WWOX: variants seen among roughly 807,000 people sequenced by gnomAD.
WWOX encodes the protein WW domain-containing oxidoreductase.
In WWOX, 69 loss-of-function variants were observed where a neutral mutation model predicts 46.2. The observed-to-expected ratio is 1.49, with a 90% CI of 1.23 to 1.82. The LOEUF (loss-of-function observed/expected upper bound fraction) is 1.82, where lower values mean the gene tolerates loss of function less well. Ranked by LOEUF, WWOX falls within the 40% of genes most tolerant of loss-of-function variation. The pLI, the probability that WWOX is intolerant of heterozygous loss-of-function variation, is 0.00. For missense variants in WWOX, 919 were observed against 542.6 expected, an observed-to-expected ratio of 1.69 and a Z score of -6.89; for synonymous variants, 359 against 202.6, an observed-to-expected ratio of 1.77 and a Z score of -6.56.
At chr16:78,494,912 G>T (rs894094452) in intron 8 of WWOX, among the ~76,000 whole-genome samples, 1 of 152,148 alleles carries the variant, frequency 6.6e-6, no homozygotes, top group African/African-American at 2.4e-5. Context: ...CCTTAGAGAG[G>T]CTTGTTATTT....
At chr16:78,812,625 C>G (rs1287629697) in intron 8 of WWOX, among the ~76,000 whole-genome samples, 1 of 152,024 alleles carries the variant, frequency 6.6e-6, no homozygotes, top group Non-Finnish European at 1.5e-5. Context: ...GCTCGGGAGG[C>G]TGACGCGCGA....
intron 8 of WWOX, among the ~76,000 whole-genome samples, chr16:78,794,350 G>A (rs969201630): frequency 2.6e-5 from 4 of 152,026 alleles, no homozygotes; most frequent in Non-Finnish European, 5.9e-5. Flanking sequence ...CTCTCGGTCT[G>A]TTCTGGCTCA....
intron 8 of WWOX, among the ~76,000 whole-genome samples, chr16:78,919,200 T>A (rs967947582): frequency 1.3e-5 from 2 of 152,078 alleles, no homozygotes; most frequent in African/African-American, 4.8e-5. Context: ...GCTATTCTCT[T>A]ATGTGTATTC....
chr16:79,104,330 A>T (rs903078852), intron 8 of WWOX, among the ~76,000 whole-genome samples: 1 of 152,208 alleles, frequency 6.6e-6, no homozygotes, highest in Admixed American at 6.5e-5. Context: ...TTCATAAGAC[A>T]CATCATTTTC....
At chr16:78,237,755 T>G (rs1479879792) in intron 5 of WWOX, 1 of 152,264 alleles carries the variant, frequency 6.6e-6, no homozygotes, top group Non-Finnish European at 1.5e-5. Context: ...GATTTCAGTG[T>G]CATAAAGTTT....
At chr16:78,511,432 T>C (rs2151487126) in intron 8 of WWOX, among the ~76,000 whole-genome samples, 1 of 152,302 alleles carries the variant, frequency 6.6e-6, no homozygotes, top group Admixed American at 6.5e-5. Context: ...CATTTTGCAA[T>C]CCCATGCACG....
At chr16:78,359,553 G>T (rs964973605) in intron 5 of WWOX, among the ~76,000 whole-genome samples, 4 of 152,098 alleles carry the variant, frequency 2.6e-5, no homozygotes, top group Non-Finnish European at 5.9e-5. Context: ...GACTTAAAAT[G>T]AGTTAGAATA....
At chr16:78,783,675 A>T (rs2050384105) in intron 8 of WWOX, among the ~76,000 whole-genome samples, 1 of 152,162 alleles carries the variant, frequency 6.6e-6, no homozygotes, top group Non-Finnish European at 1.5e-5. Flanking sequence ...ATGTCTTCTG[A>T]ATAAAAGTAT....
chr16:78,556,534 T>C (rs1365213043), intron 8 of WWOX, among the ~76,000 whole-genome samples: 1 of 152,026 alleles, frequency 6.6e-6, no homozygotes, highest in Non-Finnish European at 1.5e-5. Flanking sequence ...TTATAAAGTA[T>C]CTACAATGGA....
intron 8 of WWOX, among the ~76,000 whole-genome samples, chr16:78,884,936 A>G (rs928114612): frequency 6.6e-6 from 1 of 152,166 alleles, no homozygotes; most frequent in Admixed American, 6.5e-5. Flanking sequence ...TTTCCCATCA[A>G]TTCATGTTAC....
intron 5 of WWOX, among the ~76,000 whole-genome samples, chr16:78,201,452 T>C (rs952387709): frequency 3.3e-5 from 5 of 152,158 alleles, no homozygotes; most frequent in African/African-American, 9.7e-5. Flanking sequence ...CCTGAAATGA[T>C]AAATGTTTGG....
At chr16:78,382,651 A>T (rs2081979260) in intron 5 of WWOX, among the ~76,000 whole-genome samples, 1 of 152,168 alleles carries the variant, frequency 6.6e-6, no homozygotes, top group African/African-American at 2.4e-5. Flanking sequence ...ACGAGGCCTG[A>T]ACTTTTCATG....
chr16:78,395,789 C>A (rs902181635), intron 6 of WWOX, among the ~76,000 whole-genome samples: 2 of 150,478 alleles, frequency 1.3e-5, no homozygotes, highest in African/African-American at 4.9e-5. Flanking sequence ...TTTTGCTATT[C>A]TTTTGTTATT....
rs116717901 is a variant in WWOX, at chr16:79,079,029, A to G, written c.1057-132579A>G. On this transcript the variant is annotated intron_variant, in intron 8 of 8. Transcript: ENST00000566780. Reference sequence around the variant, plus strand: ...AATATAATACATTTGACCTGCATTGATCAAGGTAGGCTAACTGCTATAACA... The same window carrying G: ...AATATAATACATTTGACCTGCATTGGTCAAGGTAGGCTAACTGCTATAACA... Among the ~76,000 whole-genome samples the G allele has an allele frequency of 2.1e-3, 322 of 152,354 alleles. 2 individuals are homozygous for G. Among genetic ancestry groups the G allele is most frequent in the African/African-American group, 7.4e-3 (307 of 41,584 alleles).
chr16:78,327,634 T>C (rs12595969), intron 5 of WWOX, among the ~76,000 whole-genome samples: 54,684 of 152,034 alleles, frequency 0.36, 11,578 homozygotes, highest in East Asian at 0.61. Context: ...GATTCCACAA[T>C]CTTCTATTTT....
intron 8 of WWOX, among the ~76,000 whole-genome samples, chr16:78,637,154 A>T (rs2046591811): frequency 6.6e-6 from 1 of 152,140 alleles, no homozygotes; most frequent in Non-Finnish European, 1.5e-5. Context: ...GTTGAGAAAT[A>T]TTCCTGTCTG....
At chr16:78,204,784 A>T (rs187772692) in intron 5 of WWOX, among the ~76,000 whole-genome samples, 4 of 152,302 alleles carry the variant, frequency 2.6e-5, no homozygotes, top group Admixed American at 6.5e-5. Context: ...GAGGAGAGAA[A>T]AGATGAGCCT....
intron 5 of WWOX, among the ~76,000 whole-genome samples, chr16:78,291,473 C>A (rs776294368): frequency 2.0e-5 from 3 of 152,196 alleles, no homozygotes; most frequent in Non-Finnish European, 4.4e-5. Context: ...GTCGTTATAA[C>A]TGAGCTGGCT....
rs749005536 is a variant in WWOX at position 78,115,161 on chromosome 16, T to C, written c.409+7T>C. 6.2e-7 allele frequency: 1 copy of C among 1,614,208 alleles called. No individual in the cohort carries two copies. Among genetic ancestry groups the C allele is most frequent in the Non-Finnish European group, 8.5e-7 (1 of 1,180,004 alleles). On this transcript the variant is annotated splice_region_variant and intron_variant, in intron 4 of 8. Coordinates refer to ENST00000566780, the MANE Select transcript of WWOX (RefSeq NM_016373.4). ...GGAGCTAATTCAGGAATAGGTAGGC[T>C]CTTCACTTAGTTATTTATCTTTGGG...
Sources: allele counts gnomAD v4.1 joint callset (sites outside exome capture counted in the v4.1 genomes callset), GRCh38; gene constraint gnomAD v4.1.1; transcripts MANE v1.5; gene names NCBI Gene and HGNC (gene_info 2026-07-23, HGNC 2026-07-21).